The following ZNF423 variants were observed in gnomAD, a reference collection of about 807,000 sequenced individuals.
ZNF423 encodes the protein Ebf-associated zinc finger protein.
In ZNF423, 12 loss-of-function variants were observed where a neutral mutation model predicts 95.8. The ratio of observed to expected loss-of-function variants is 0.13; its 90% CI spans 0.08 to 0.20. The LOEUF is 0.20. ZNF423 is among the 10% of genes least tolerant of loss of function. The pLI is 1.00. For missense variants in ZNF423, 1,316 were observed against 1,737.1 expected, an observed-to-expected ratio of 0.76 and a Z score of 4.31; for synonymous variants, 749 against 711.9, an observed-to-expected ratio of 1.05 and a Z score of -0.83.
At chr16:49,600,173 A>G (rs553584160) in intron 5 of ZNF423, among the ~76,000 whole-genome samples, 1 of 151,836 alleles carries the variant, frequency 6.6e-6, no homozygotes, top group South Asian at 2.1e-4. Flanking sequence ...TCAGCCAGAC[A>G]TGGTGGTGCA....
At position 49,635,141 on chromosome 16, in the gene ZNF423, CA is replaced by C. The variant is rs1173127271; in HGVS notation, c.3516+518del. ...GTGATGACAGCCAGCACCACTGAGC[CA>C]TGAGTGCTGGGCTCTCGGCCCCTTG... is the stretch of plus-strand genomic sequence containing the variant. On this transcript the variant is annotated intron_variant, in intron 4 of 7. Coordinates refer to ENST00000563137, the MANE Select transcript of ZNF423 (RefSeq NM_001379286.1). This position sits in a 1 kb window ranked among gnomAD's most constrained non-coding sequence, Gnocchi z 4.8. 6.6e-6 allele frequency among the ~76,000 whole-genome samples: 1 copy of C among 152,208 alleles called. No individual in the cohort carries two copies. The highest frequency in any genetic ancestry group is 1.5e-5 in the Non-Finnish European group (1 of 68,046).
chr16:49,588,725 C>T (rs1048431734), intron 5 of ZNF423, among the ~76,000 whole-genome samples: 7 of 152,236 alleles, frequency 4.6e-5, no homozygotes, highest in African/African-American at 1.7e-4. Flanking sequence ...AGGGCAGCAA[C>T]AAATCCTATA....
At chr16:49,693,088 T>C (rs561510896) in intron 3 of ZNF423, among the ~76,000 whole-genome samples, 1 of 152,368 alleles carries the variant, frequency 6.6e-6, no homozygotes, top group East Asian at 1.9e-4. Context: ...AAAAGAGTGA[T>C]AGCTAACATT....
At chr16:49,545,163 C>T (rs1969396253) in intron 5 of ZNF423, among the ~76,000 whole-genome samples, 1 of 152,220 alleles carries the variant, frequency 6.6e-6, no homozygotes, top group African/African-American at 2.4e-5. Flanking sequence ...ACACTTTATC[C>T]CCAGGTCTGT....
At chr16:49,670,899 G>A (rs2030777029) in intron 3 of ZNF423, among the ~76,000 whole-genome samples, 1 of 152,196 alleles carries the variant, frequency 6.6e-6, no homozygotes, top group South Asian at 2.1e-4. Context: ...GGTATGATGG[G>A]AATGGAATTG....
At chr16:49,657,143 C>T (rs192801020) in intron 3 of ZNF423, among the ~76,000 whole-genome samples, 7 of 152,364 alleles carry the variant, frequency 4.6e-5, no homozygotes, top group African/African-American at 1.7e-4. Context: ...GCCTGGACAC[C>T]TCTCAGGGTG....
intron 5 of ZNF423, among the ~76,000 whole-genome samples, chr16:49,573,229 G>A (rs1371346206): frequency 6.6e-6 from 1 of 152,156 alleles, no homozygotes; most frequent in African/African-American, 2.4e-5. Flanking sequence ...ATGTCCTGCA[G>A]TAACTCCCAG....
intron 5 of ZNF423, among the ~76,000 whole-genome samples, chr16:49,606,869 C>A (rs1357079739): frequency 6.6e-6 from 1 of 152,088 alleles, no homozygotes; most frequent in Non-Finnish European, 1.5e-5. Flanking sequence ...AAGTGGGGAC[C>A]ATGCAAGCCG....
intron 3 of ZNF423, among the ~76,000 whole-genome samples, chr16:49,726,532 C>T (rs1055815632): frequency 2.6e-5 from 4 of 152,118 alleles, no homozygotes; most frequent in Non-Finnish European, 2.9e-5. Context: ...GCTTGGCCAG[C>T]GCTTCACAAA....
At position 49,738,737 on chromosome 16, in the gene ZNF423, C is replaced by T. The variant is rs537034495; in HGVS notation, c.101-7766G>A. On this transcript the variant is annotated intron_variant, in intron 2 of 7. Transcript: ENST00000563137. Reference sequence around the variant, plus strand: ...GAGAGTGAGAGGGCAGCGGGGTCAGCAGGACCAGCAAGGCCAGCAAGCCCT... The same window carrying T: ...GAGAGTGAGAGGGCAGCGGGGTCAGTAGGACCAGCAAGGCCAGCAAGCCCT... 2.4e-4 allele frequency among the ~76,000 whole-genome samples: 37 copies of T among 152,140 alleles called. 1 individual carries two copies. The South Asian group carries it at 7.5e-3, about 31-fold the overall frequency.
At chr16:49,813,946 G>A (rs1222596862) in intron 1 of ZNF423, among the ~76,000 whole-genome samples, 1 of 152,200 alleles carries the variant, frequency 6.6e-6, no homozygotes, top group East Asian at 1.9e-4. Flanking sequence ...GCCCCAGGTG[G>A]GCTCCTGCAG....
At chr16:49,781,861 A>C (rs1265447901) in intron 2 of ZNF423, among the ~76,000 whole-genome samples, 2 of 152,238 alleles carry the variant, frequency 1.3e-5, no homozygotes, top group African/African-American at 4.8e-5. Flanking sequence ...AGGAGGTCCC[A>C]GGACACCAGC....
intron 1 of ZNF423, chr16:49,853,867 G>C (rs2035328135): frequency 2.0e-6 from 2 of 985,380 alleles, no homozygotes; most frequent in Non-Finnish European, 2.4e-6. Context: ...TGGAGAAGTG[G>C]ATTGGAAGTC....
In ZNF423 at chr16:49,593,042, G is replaced by T. The variant is rs554898359; in HGVS notation, c.3601+33128C>A. ...AATCCTTCAAATACCTGATCAAGATGGATTTGGAGGAAAGGTTGTATGGGG... is the reference window on the plus strand; with the variant it reads ...AATCCTTCAAATACCTGATCAAGATTGATTTGGAGGAAAGGTTGTATGGGG... On this transcript the variant is annotated intron_variant, in intron 5 of 7. Transcript: ENST00000563137. Among the ~76,000 whole-genome samples, 4 of 152,300 alleles carry T rather than the reference G, an allele frequency of 2.6e-5. No homozygotes were observed. The East Asian group carries it at 7.7e-4, about 29-fold the overall frequency.
At chr16:49,822,256 C>G (rs2034953387) in intron 1 of ZNF423, among the ~76,000 whole-genome samples, 1 of 151,626 alleles carries the variant, frequency 6.6e-6, no homozygotes, top group East Asian at 1.9e-4. Context: ...TTGCTGTGAC[C>G]TCCGCCTCCC....
intron 1 of ZNF423, among the ~76,000 whole-genome samples, chr16:49,827,404 G>A (rs887397971): frequency 2.6e-5 from 4 of 152,186 alleles, no homozygotes; most frequent in Admixed American, 2.0e-4. Context: ...TCAGCTCCAG[G>A]AGGGCAGGGG....
chr16:49,638,610 C>T lies in ZNF423; in HGVS notation c.566G>A (p.Arg189His), dbSNP rs778240903. 8.7e-6 allele frequency: 14 copies of T among 1,613,878 alleles called. No individual in the cohort carries two copies. The highest frequency in any genetic ancestry group is 2.2e-5 in the East Asian group (1 of 44,864). The part of the protein sequence containing the change: ...CSRLFKHKRS[R>H]DRHIKLHTGD... ...CGTATGCAGCTTGATGTGCCGGTCA[C>T]GGCTCCTCTTGTGCTTGAAGAGGCG... The change falls in exon 4 of 8, where the codon CGT becomes CAT. Residue 189 changes from arginine to histidine, a missense_variant. This residue lies in a region of ZNF423 where 58 missense variants were observed against 116.9 expected (regional missense o/e 0.50). Transcript: ENST00000563137. This position sits in a 1 kb window ranked among gnomAD's most constrained non-coding sequence, Gnocchi z 5.6.
chr16:49,638,344 C>T lies in ZNF423; in HGVS notation c.832G>A (p.Asp278Asn), dbSNP rs141745563. ...AGCTCCTCCGTCTGGCTGAAGGTGT[C>T]CTCGCAGTAGTCGCACATGAAGTCG... ...KDDFMCDYCE[D>N]TFSQTEELEK... is the part of the protein sequence containing the mutation. The change falls in exon 4 of 8, where the codon GAC becomes AAC. Residue 278 changes from aspartate (D) to asparagine (N), a missense_variant. Transcript: ENST00000563137. This position sits in a 1 kb window ranked among gnomAD's most constrained non-coding sequence, Gnocchi z 5.6. 1.9e-6 allele frequency: 3 copies of T among 1,613,926 alleles called. No individual in the cohort carries two copies. In the African/African-American group the frequency reaches 4.0e-5, roughly 22 times the overall value.
chr16:49,843,835 AC>A (rs1285275043), intron 1 of ZNF423, among the ~76,000 whole-genome samples: 1 of 143,006 alleles, frequency 7.0e-6, no homozygotes. Context: ...AGGGCAGACC[AC>A]CCCCCCTCCA....
Sources: allele counts gnomAD v4.1 joint callset (sites outside exome capture counted in the v4.1 genomes callset), GRCh38; gene constraint gnomAD v4.1.1; regional missense constraint gnomAD v4.1.1; non-coding constraint Gnocchi (gnomAD v3.1); transcripts MANE v1.5; gene names NCBI Gene and HGNC (gene_info 2026-07-23, HGNC 2026-07-21).